The following GABRB1 variants were observed in gnomAD, a reference collection of about 807,000 sequenced individuals.
The protein encoded by GABRB1 is gamma-aminobutyric acid type A receptor subunit beta1, also known as gamma-aminobutyric acid receptor subunit beta-1.
In GABRB1, 17 loss-of-function variants were observed where a neutral mutation model predicts 51.6. That is an observed-to-expected ratio of 0.33 (90% CI 0.23 to 0.49). GABRB1 has a LOEUF of 0.49. GABRB1 is among the 20% of genes least tolerant of loss of function. The pLI, the probability that GABRB1 is intolerant of heterozygous loss-of-function variation, is 0.99. For missense variants in GABRB1, 410 were observed against 600.6 expected (o/e 0.68, Z 3.32); for synonymous variants, 247 against 218.9 (o/e 1.13, Z -1.14).
In GABRB1 at chr4:47,135,610, T is replaced by A. The variant is rs747499915; in HGVS notation, c.241-25639T>A. Among the ~76,000 whole-genome samples, 5 of 152,252 alleles carry A rather than the reference T, an allele frequency of 3.3e-5. No homozygotes were observed. In the South Asian group the frequency reaches 8.3e-4, roughly 25 times the overall value. On this transcript the variant is annotated intron_variant, in intron 3 of 8. Coordinates refer to ENST00000295454, the MANE Select transcript of GABRB1 (RefSeq NM_000812.4). ...TTCAATCTGTCTCTTCTATCCATCATCACTCCCTATTCTCTAGTGCAAGCC... is the reference window on the plus strand; with the variant it reads ...TTCAATCTGTCTCTTCTATCCATCAACACTCCCTATTCTCTAGTGCAAGCC...
chr4:47,230,450 G>T (rs4694839), intron 4 of GABRB1, among the ~76,000 whole-genome samples: 1,769 of 152,216 alleles, frequency 0.012, 30 homozygotes, highest in African/African-American at 0.041. Context: ...AGAGAGATTT[G>T]GGGAGCTAGA....
At chr4:47,360,278 T>C (rs1346266721) in intron 5 of GABRB1, among the ~76,000 whole-genome samples, 1 of 152,084 alleles carries the variant, frequency 6.6e-6, no homozygotes, top group African/African-American at 2.4e-5. Context: ...AACATCATTT[T>C]TAGGATTGAA....
In GABRB1 at chr4:47,414,407, A is replaced by G. The variant is rs185513634; in HGVS notation, c.1080+7481A>G. 3.2e-3 allele frequency among the ~76,000 whole-genome samples: 489 copies of G among 152,334 alleles called. 2 individuals carry two copies. The highest frequency in any genetic ancestry group is 0.011 in the African/African-American group (460 of 41,566). On this transcript the variant is annotated intron_variant, in intron 8 of 8. Transcript: ENST00000295454. ...AACTTGAAGCAGGGAAAGGTCTTCCAGGTCATAGGTAGATAAAAGACAAAT... is the reference window on the plus strand; with the variant it reads ...AACTTGAAGCAGGGAAAGGTCTTCCGGGTCATAGGTAGATAAAAGACAAAT...
intron 5 of GABRB1, among the ~76,000 whole-genome samples, chr4:47,387,555 G>A (rs372509259): frequency 6.6e-6 from 1 of 152,128 alleles, no homozygotes; most frequent in East Asian, 1.9e-4. Flanking sequence ...CAATTAAATG[G>A]GAACAATATT....
chr4:47,403,489 G>A (rs375421848), intron 6 of GABRB1, 34 bp downstream of exon 6: 1 of 1,613,440 alleles, frequency 6.2e-7, no homozygotes, highest in Non-Finnish European at 8.5e-7. Flanking sequence ...TACTAGGGGT[G>A]CTGTGAAAGG....
At chr4:47,094,469 C>G (rs535577542) in intron 3 of GABRB1, among the ~76,000 whole-genome samples, 2 of 151,826 alleles carry the variant, frequency 1.3e-5, no homozygotes, top group African/African-American at 4.8e-5. Context: ...GTGATCCACC[C>G]GCCTCGGCCT....
At position 47,183,345 on chromosome 4, in the gene GABRB1, CATATATATATATATATAT is replaced by C. The variant is rs57840134; in HGVS notation, c.461+21895_461+21912del. On this transcript the variant is annotated intron_variant, in intron 4 of 8. Coordinates refer to ENST00000295454, the MANE Select transcript of GABRB1 (RefSeq NM_000812.4). The stretch of plus-strand genomic sequence containing the variant: ...AACATCTTATCTGTATGTGTGTGTG[CATATATATATATATATAT>C]ATATATATATATATATATTCCACCA... 3.2e-5 allele frequency among the ~76,000 whole-genome samples: 4 copies of C among 124,428 alleles called. 1 individual carries two copies. The highest frequency in any genetic ancestry group is 6.8e-5 in the Non-Finnish European group (4 of 58,904). 81.6% of individuals were successfully genotyped at this position (124,428 alleles called of 152,430 possible).
chr4:47,085,312 A>G (rs1728013401), intron 3 of GABRB1, among the ~76,000 whole-genome samples: 1 of 152,198 alleles, frequency 6.6e-6, no homozygotes, highest in Non-Finnish European at 1.5e-5. Context: ...AAAAGAATCT[A>G]TAGTACATGT....
intron 3 of GABRB1, among the ~76,000 whole-genome samples, chr4:47,087,076 G>A (rs531778276): frequency 2.6e-5 from 4 of 152,220 alleles, no homozygotes; most frequent in East Asian, 1.9e-4. Context: ...AAAATGCTTC[G>A]TGGATTTCCA....
At chr4:47,318,379 T>C (rs1206011946) in intron 4 of GABRB1, among the ~76,000 whole-genome samples, 1 of 151,990 alleles carries the variant, frequency 6.6e-6, no homozygotes, top group Non-Finnish European at 1.5e-5. Context: ...GGGAGGAATC[T>C]ACGTTATACA....
intron 1 of GABRB1, among the ~76,000 whole-genome samples, chr4:47,024,041 G>C (rs898518729): frequency 6.6e-6 from 1 of 151,754 alleles, no homozygotes; most frequent in African/African-American, 2.4e-5. Flanking sequence ...ATCTTCTACT[G>C]TGCCATTCAA....
At chr4:47,057,541 G>A (rs1726666018) in intron 3 of GABRB1, among the ~76,000 whole-genome samples, 1 of 152,180 alleles carries the variant, frequency 6.6e-6, no homozygotes, top group Admixed American at 6.5e-5. Context: ...GAACAAATTG[G>A]ATATTTTAAG....
intron 4 of GABRB1, among the ~76,000 whole-genome samples, chr4:47,319,017 G>A (rs979686342): frequency 6.6e-6 from 1 of 151,968 alleles, no homozygotes; most frequent in Non-Finnish European, 1.5e-5. Flanking sequence ...ACACTACTCT[G>A]CACCTTGCTT....
intron 4 of GABRB1, among the ~76,000 whole-genome samples, chr4:47,182,935 C>T (rs1719014253): frequency 6.6e-6 from 1 of 151,876 alleles, no homozygotes; most frequent in Non-Finnish European, 1.5e-5. Context: ...TGAAGATTCC[C>T]ATATGCCAAT....
At chr4:47,256,601 C>T (rs1343167711) in intron 4 of GABRB1, among the ~76,000 whole-genome samples, 1 of 152,136 alleles carries the variant, frequency 6.6e-6, no homozygotes, top group Non-Finnish European at 1.5e-5. Flanking sequence ...GTACAGGTAG[C>T]ATGGCTAGGG....
chr4:47,372,658 T>A (rs1249721003), intron 5 of GABRB1, among the ~76,000 whole-genome samples: 1 of 152,216 alleles, frequency 6.6e-6, no homozygotes, highest in African/African-American at 2.4e-5. Context: ...CTTTCTGGAC[T>A]AGACATTGAG....
At chr4:47,286,646 A>C (rs1348522528) in intron 4 of GABRB1, among the ~76,000 whole-genome samples, 1 of 152,256 alleles carries the variant, frequency 6.6e-6, no homozygotes, top group African/African-American at 2.4e-5. Context: ...TTAGATAGTA[A>C]GTAAACCTGT....
intron 5 of GABRB1, among the ~76,000 whole-genome samples, chr4:47,335,417 G>A (rs1019185923): frequency 3.9e-5 from 6 of 152,144 alleles, no homozygotes; most frequent in Admixed American, 1.3e-4. Flanking sequence ...ATATTCGGAA[G>A]TGTCCTCCCA....
At chr4:47,307,417 C>T (rs1333456967) in intron 4 of GABRB1, among the ~76,000 whole-genome samples, 4 of 151,960 alleles carry the variant, frequency 2.6e-5, no homozygotes, top group Admixed American at 2.6e-4. Flanking sequence ...CAATTATTAA[C>T]TTGAAAATAT....
Sources: allele counts gnomAD v4.1 joint callset (sites outside exome capture counted in the v4.1 genomes callset), GRCh38; gene constraint gnomAD v4.1.1; transcripts MANE v1.5; gene names NCBI Gene and HGNC (gene_info 2026-07-23, HGNC 2026-07-21).